RIMKLB: variants seen among roughly 807,000 people sequenced by gnomAD.
RIMKLB encodes the protein ribosomal modification protein rimK like family member B.
In RIMKLB, 7 loss-of-function variants were observed where a neutral mutation model predicts 32.0. The observed-to-expected ratio is 0.22, with a 90% CI of 0.12 to 0.41. RIMKLB has a LOEUF of 0.41. RIMKLB is among the 10% of genes least tolerant of loss of function. The probability of loss-of-function intolerance (pLI) is 1.00; values close to 1 mark genes in which losing one functional copy is unlikely to be tolerated. For missense variants in RIMKLB, 289 were observed against 498.7 expected (o/e 0.58, Z 4.00); for synonymous variants, 172 against 185.1 (o/e 0.93, Z 0.57).
At chr12:8,672,854 T>G in the RIMKLB span, among the ~76,000 whole-genome samples, 1 of 152,230 alleles carries the variant, frequency 6.6e-6, no homozygotes, top group Admixed American at 6.5e-5. Context: ...CAAAAGCAGA[T>G]GCCGCTATGC....
chr12:8,767,853 A>ACAGGTGCC (rs1950098528), intron 5 of RIMKLB, among the ~76,000 whole-genome samples: 1 of 152,176 alleles, frequency 6.6e-6, no homozygotes, highest in Admixed American at 6.5e-5. Flanking sequence ...TAACCAGCTG[A>ACAGGTGCC]CAGGTGCCTG....
chr12:8,757,724 A>G (rs908611346), intron 5 of RIMKLB, among the ~76,000 whole-genome samples: 1 of 152,104 alleles, frequency 6.6e-6, no homozygotes, highest in African/African-American at 2.4e-5. Context: ...TCATCCTTAG[A>G]TACATCGTCA....
chr12:8,764,744 G>A (rs1050294631), intron 5 of RIMKLB, among the ~76,000 whole-genome samples: 4 of 152,146 alleles, frequency 2.6e-5, no homozygotes, highest in Non-Finnish European at 5.9e-5. Context: ...CCCTGGGGCA[G>A]TGGGCCTTCC....
intron 2 of RIMKLB, among the ~76,000 whole-genome samples, chr12:8,720,871 G>A (rs1945379467): frequency 6.6e-6 from 1 of 152,104 alleles, no homozygotes; most frequent in Non-Finnish European, 1.5e-5. Flanking sequence ...TAAGAAGCTT[G>A]CCTATGGCCT....
At chr12:8,746,747 C>A (rs181867300) in intron 2 of RIMKLB, among the ~76,000 whole-genome samples, 1 of 152,190 alleles carries the variant, frequency 6.6e-6, no homozygotes, top group Non-Finnish European at 1.5e-5. Flanking sequence ...CTACTTTTTT[C>A]ACCTTCAAAA....
chr12:8,700,323 A>G (rs867090173), intron 1 of RIMKLB: 3 of 152,180 alleles, frequency 2.0e-5, no homozygotes, highest in Admixed American at 6.5e-5. Context: ...TACCCTTTTC[A>G]CAATTTGTAT....
intron 2 of RIMKLB, among the ~76,000 whole-genome samples, chr12:8,744,099 T>C (rs1258321717): frequency 6.6e-6 from 1 of 151,930 alleles, no homozygotes; most frequent in East Asian, 1.9e-4. Context: ...ACCATTCCTT[T>C]TATATCCATT....
At chr12:8,680,689 GTCTGGGT>G (rs1176503381), upstream of RIMKLB, among the ~76,000 whole-genome samples, 3 of 152,148 alleles carry the variant, frequency 2.0e-5, no homozygotes, top group African/African-American at 7.2e-5. Context: ...CCGCTATACT[GTCTGGGT>G]TCAGGCATTG....
Position 8,776,625 on chromosome 12 carries a change from A to T in RIMKLB, c.*2841A>T, listed in dbSNP as rs1487423783. On this transcript the variant is annotated 3_prime_UTR_variant, in exon 6 of 6. Coordinates refer to ENST00000535829, the MANE Select transcript of RIMKLB (RefSeq NM_001297776.2). ...ACCCATGATGAAAACTGGACTTTAT[A>T]TATCTAAACATACAAGTATGAACTA... is the stretch of plus-strand genomic sequence containing the variant. The T allele has an allele frequency of 3.3e-6, 3 of 904,172 alleles. No individual in the cohort carries two copies. The South Asian group carries it at 1.5e-4, about 46-fold the overall frequency. The allele number at this position is 904,172 out of a possible 1,614,324, so 56.0% of individuals were successfully genotyped here. A position where few individuals can be genotyped will look rare whatever the true frequency, so the allele number is the denominator to read the frequency against.
At chr12:8,688,369 A>C (rs1046008877) in intron 1 of RIMKLB, among the ~76,000 whole-genome samples, 31 of 152,348 alleles carry the variant, frequency 2.0e-4, no homozygotes, top group Non-Finnish European at 4.4e-4. Flanking sequence ...GCAACATGAG[A>C]GGGAAACAGA....
At chr12:8,777,467 C>T, downstream of RIMKLB, 6 of 1,111,342 alleles carry the variant, frequency 5.4e-6, no homozygotes, top group Non-Finnish European at 6.7e-6. Context: ...CTGCCTAACT[C>T]TAGTGAAAAT....
Position 8,775,870 on chromosome 12 carries a change from G to A in RIMKLB, c.*2086G>A, listed in dbSNP as rs1012918736. 3 of 984,962 alleles carry A rather than the reference G, an allele frequency of 3.0e-6. No individual in the cohort carries two copies. The highest frequency in any genetic ancestry group is 1.1e-4 in the East Asian group (1 of 8,816). The allele number at this position is 984,962 out of a possible 1,614,324, so 61.0% of individuals were successfully genotyped here. ...ATTTAAAAGAACTTATCTTGCGCAG[G>A]GTAAATGGGGGACTCACATACATAT... is the stretch of plus-strand genomic sequence containing the variant. On this transcript the variant is annotated 3_prime_UTR_variant, in exon 6 of 6. Transcript: ENST00000535829.
the RIMKLB span, among the ~76,000 whole-genome samples, chr12:8,676,491 C>G: frequency 6.9e-6 from 1 of 145,156 alleles, no homozygotes; most frequent in Admixed American, 7.0e-5. Context: ...CTCTGCCTCC[C>G]GGGTTCAAGT....
intron 1 of RIMKLB, among the ~76,000 whole-genome samples, chr12:8,701,647 C>CTTTTTTTT (rs752751224): frequency 8.0e-6 from 1 of 124,724 alleles, no homozygotes; most frequent in African/African-American, 2.9e-5. Context: ...GGCCTGATCT[C>CTTTTTTTT]TTTTTTTTTT....
upstream of RIMKLB, chr12:8,697,904 A>G (rs1433531409): frequency 2.7e-5 from 4 of 147,288 alleles, no homozygotes; most frequent in Admixed American, 1.3e-4. Context: ...CTCCTCAGCA[A>G]GCGGGCGGGC....
chr12:8,740,539 T>C (rs1026921570), intron 2 of RIMKLB, among the ~76,000 whole-genome samples: 6 of 152,238 alleles, frequency 3.9e-5, no homozygotes, highest in African/African-American at 1.2e-4. Flanking sequence ...ATCATTCTTA[T>C]GCCTTTGCGT....
At position 8,741,508 on chromosome 12, in the gene RIMKLB, C is replaced by T. The variant is rs1029423222; in HGVS notation, c.176-8354C>T. Among the ~76,000 whole-genome samples the T allele has an allele frequency of 1.1e-4, 17 of 151,374 alleles. 3 individuals are homozygous for T. The highest frequency in any genetic ancestry group is 3.9e-4 in the African/African-American group (16 of 40,944). On this transcript the variant is annotated intron_variant, in intron 2 of 5. Coordinates refer to ENST00000535829, the MANE Select transcript of RIMKLB (RefSeq NM_001297776.2). ...TAAAACTAACTGTTGGGGCTGGGTG[C>T]GGTGGCTCATGCCTGTAATCCCAGC...
At chr12:8,728,114 A>G (rs868475587) in intron 2 of RIMKLB, among the ~76,000 whole-genome samples, 1 of 152,096 alleles carries the variant, frequency 6.6e-6, no homozygotes, top group African/African-American at 2.4e-5. Context: ...CAATTCCCAT[A>G]TCTCTCCTTA....
At position 8,726,789 on chromosome 12, in the gene RIMKLB, T is replaced by G. The variant is rs183537773; in HGVS notation, c.175+12748T>G. The stretch of plus-strand genomic sequence containing the variant: ...CAATCTCTGTATTTTAATTGGAATA[T>G]TTAAACCATTGACGTTTACAGTGCT... On this transcript the variant is annotated intron_variant, in intron 2 of 5. Transcript: ENST00000535829. 9.2e-5 allele frequency among the ~76,000 whole-genome samples: 14 copies of G among 152,340 alleles called. No homozygotes were observed. In the East Asian group the frequency reaches 2.7e-3, roughly 29 times the overall value.
Sources: gnomAD v4.1 joint callset for allele counts (sites outside exome capture counted in the v4.1 genomes callset) on GRCh38, gnomAD v4.1.1 for gene constraint, MANE v1.5 for transcripts, NCBI Gene and HGNC (gene_info 2026-07-23, HGNC 2026-07-21) for gene names.